TMEM117: variants seen among roughly 807,000 people sequenced by gnomAD.
TMEM117 encodes transmembrane protein 117.
Under a neutral mutation model 52.4 loss-of-function variants are expected in TMEM117, and 27 were observed. The observed-to-expected ratio is 0.51, with a 90% CI of 0.38 to 0.71. TMEM117 has a LOEUF of 0.71. Ranked by LOEUF, TMEM117 falls within the 30% of genes least tolerant of loss-of-function variation. TMEM117 has a pLI of 0.00. For synonymous variants in TMEM117, 215 were observed against 206.3 expected, an observed-to-expected ratio of 1.04 and a Z score of -0.36; for missense variants, 556 against 630.5, an observed-to-expected ratio of 0.88 and a Z score of 1.26.
At chr12:43,861,711 A>G (rs963139000) in intron 2 of TMEM117, among the ~76,000 whole-genome samples, 7 of 152,220 alleles carry the variant, frequency 4.6e-5, no homozygotes, top group Admixed American at 1.3e-4. Flanking sequence ...AGTAAAAGAG[A>G]CGTTATACAT....
chr12:43,815,759 T>C, the TMEM117 span, among the ~76,000 whole-genome samples: 2 of 152,186 alleles, frequency 1.3e-5, no homozygotes, highest in East Asian at 3.8e-4. Flanking sequence ...TTTGCCACAC[T>C]TGCACACATG....
At chr12:43,932,550 G>A (rs138051695) in intron 2 of TMEM117, among the ~76,000 whole-genome samples, 1 of 152,168 alleles carries the variant, frequency 6.6e-6, no homozygotes, top group East Asian at 1.9e-4. Context: ...TCACCTTAAA[G>A]TACATCAAAA....
At chr12:43,797,272 G>A in the TMEM117 span, 1 of 1,551,196 alleles carries the variant, frequency 6.4e-7, no homozygotes, top group Non-Finnish European at 8.7e-7. Flanking sequence ...CAAACTGAAA[G>A]TAATGTGTTA....
chr12:44,006,786 G>A (rs1946204527), intron 3 of TMEM117, among the ~76,000 whole-genome samples: 1 of 152,016 alleles, frequency 6.6e-6, no homozygotes, highest in Non-Finnish European at 1.5e-5. Context: ...TAAGTCTTGT[G>A]CTAAGCACTG....
intron 3 of TMEM117, among the ~76,000 whole-genome samples, chr12:44,131,904 T>C (rs1221673265): frequency 1.3e-5 from 2 of 152,164 alleles, no homozygotes; most frequent in African/African-American, 4.8e-5. Context: ...TTTATTCTGT[T>C]CTCACTTTTT....
chr12:44,028,270 A>G (rs1296979137), intron 3 of TMEM117, among the ~76,000 whole-genome samples: 1 of 152,186 alleles, frequency 6.6e-6, no homozygotes, highest in East Asian at 1.9e-4. Flanking sequence ...CAGTATCTGG[A>G]ACAAAGGCAT....
chr12:43,925,228 T>G (rs1352172590), intron 2 of TMEM117, among the ~76,000 whole-genome samples: 2 of 152,008 alleles, frequency 1.3e-5, no homozygotes, highest in African/African-American at 2.4e-5. Flanking sequence ...TCAGTGTGTG[T>G]GGGGGTGTCT....
intron 5 of TMEM117, among the ~76,000 whole-genome samples, chr12:44,214,834 T>C (rs1252713274): frequency 6.6e-6 from 1 of 152,180 alleles, no homozygotes; most frequent in Non-Finnish European, 1.5e-5. Flanking sequence ...GAAAAGCTGA[T>C]GGAAAAAGTT....
intron 2 of TMEM117, among the ~76,000 whole-genome samples, chr12:43,869,926 C>G (rs957715933): frequency 1.3e-5 from 2 of 152,138 alleles, no homozygotes; most frequent in African/African-American, 4.8e-5. Flanking sequence ...CACCACCCCC[C>G]ATACTCTCCT....
chr12:43,998,303 A>T (rs1473862089), intron 3 of TMEM117, among the ~76,000 whole-genome samples: 1 of 152,190 alleles, frequency 6.6e-6, no homozygotes, highest in African/African-American at 2.4e-5. Flanking sequence ...CCAAGAATAT[A>T]ACTTTCTTTT....
At chr12:43,998,332 A>G (rs991270189) in intron 3 of TMEM117, among the ~76,000 whole-genome samples, 3 of 152,234 alleles carry the variant, frequency 2.0e-5, no homozygotes, top group African/African-American at 7.2e-5. Context: ...TTAGCATAGT[A>G]TATCTTTATC....
the TMEM117 span, among the ~76,000 whole-genome samples, chr12:44,395,800 G>A: frequency 6.6e-6 from 1 of 152,174 alleles, no homozygotes; most frequent in East Asian, 1.9e-4. Flanking sequence ...CTTGGAAGTG[G>A]CATATATCAC....
rs199631707 is a variant in TMEM117 at position 44,094,185 on chromosome 12, GA to G, written c.411-49338del. On this transcript the variant is annotated intron_variant, in intron 3 of 7. Transcript: ENST00000266534. ...TTCAATTTAAAGGGCTGAAGAAAGGGAAGAGAATTTTGAACCATTCACTATG... is the reference window on the plus strand; with the variant it reads ...TTCAATTTAAAGGGCTGAAGAAAGGGAGAGAATTTTGAACCATTCACTATG... Among the ~76,000 whole-genome samples, 276 of 152,244 alleles carry G rather than the reference GA, an allele frequency of 1.8e-3. 10 individuals carry two copies. The East Asian group carries it at 0.049, about 27-fold the overall frequency.
chr12:43,844,105 G>A (rs923552407), intron 1 of TMEM117, among the ~76,000 whole-genome samples: 4 of 152,194 alleles, frequency 2.6e-5, no homozygotes, highest in African/African-American at 4.8e-5. Context: ...GGAACTTTAG[G>A]TGGGCAGATC....
At chr12:44,073,092 CA>C (rs1278393580) in intron 3 of TMEM117, among the ~76,000 whole-genome samples, 36 of 136,584 alleles carry the variant, frequency 2.6e-4, no homozygotes, top group East Asian at 4.5e-4. Flanking sequence ...GTCCCCTGCC[CA>C]AAAAAAAAAA....
At chr12:43,947,661 T>C (rs1251443903) in intron 3 of TMEM117, among the ~76,000 whole-genome samples, 1 of 152,230 alleles carries the variant, frequency 6.6e-6, no homozygotes, top group East Asian at 1.9e-4. Flanking sequence ...CAGGATTCTT[T>C]ACACTGAATC....
chr12:44,159,795 C>G (rs1350412107), intron 4 of TMEM117, among the ~76,000 whole-genome samples: 5 of 152,048 alleles, frequency 3.3e-5, no homozygotes, highest in Non-Finnish European at 1.5e-5. Context: ...TTGAAAACAT[C>G]AGCAGAATGA....
intron 3 of TMEM117, among the ~76,000 whole-genome samples, chr12:43,980,743 A>G (rs1244057022): frequency 6.6e-6 from 1 of 152,186 alleles, no homozygotes; most frequent in Non-Finnish European, 1.5e-5. Context: ...AGATGAAAGA[A>G]GTACTCAGAC....
chr12:44,326,803 C>T (rs1341065711), intron 6 of TMEM117, among the ~76,000 whole-genome samples: 1 of 152,196 alleles, frequency 6.6e-6, no homozygotes, highest in Non-Finnish European at 1.5e-5. Context: ...AAATGTGTCG[C>T]CCAAATGAAT....
Sources: allele counts gnomAD v4.1 joint callset (sites outside exome capture counted in the v4.1 genomes callset), GRCh38; gene constraint gnomAD v4.1.1; transcripts MANE v1.5; gene names NCBI Gene and HGNC (gene_info 2026-07-23, HGNC 2026-07-21).